Variants in RBPJ observed in about 807,000 individuals in gnomAD.
The protein encoded by RBPJ is recombining binding protein suppressor of hairless.
RBPJ carries 9 observed loss-of-function variants against 67.8 expected under a neutral mutation model. The ratio of observed to expected loss-of-function variants is 0.13; its 90% CI spans 0.08 to 0.23. RBPJ has a LOEUF of 0.23. RBPJ is among the 10% of genes least tolerant of loss of function. The pLI, the probability that RBPJ is intolerant of heterozygous loss-of-function variation, is 1.00. For missense variants in RBPJ, 305 were observed against 595.6 expected (o/e 0.51, Z 5.08); for synonymous variants, 198 against 203.3 (o/e 0.97, Z 0.22).
chr4:26,275,920 C>T (rs1721064154), intron 1 of RBPJ, among the ~76,000 whole-genome samples: 1 of 151,736 alleles, frequency 6.6e-6, no homozygotes, highest in African/African-American at 2.4e-5. Flanking sequence ...GCCACCGCAA[C>T]CGGCCCAAAT....
chr4:26,350,111 T>G (rs1726645629), intron 1 of RBPJ, among the ~76,000 whole-genome samples: 1 of 152,218 alleles, frequency 6.6e-6, no homozygotes, highest in African/African-American at 2.4e-5. Context: ...AAATTTTAAC[T>G]GTGAAATGAA....
chr4:26,431,120 G>C lies in RBPJ; in HGVS notation c.*113G>C. 1 of 743,486 alleles carries C rather than the reference G, an allele frequency of 1.3e-6. No homozygotes were observed. Among genetic ancestry groups the C allele is most frequent in the Non-Finnish European group, 2.0e-6 (1 of 496,034 alleles). The allele number at this position is 743,486 out of a possible 1,614,324, so 46.1% of individuals were successfully genotyped here. ...TTCTTGGGAAAACTTTTCATACCAGGTGATACTATTCAAAAACCCCGTTGT... is the reference window on the plus strand; with the variant it reads ...TTCTTGGGAAAACTTTTCATACCAGCTGATACTATTCAAAAACCCCGTTGT... On this transcript the variant is annotated 3_prime_UTR_variant, in exon 11 of 11. Coordinates refer to ENST00000355476, the MANE Select transcript of RBPJ (RefSeq NM_015874.6).
At position 26,333,014 on chromosome 4, in the gene RBPJ, T is replaced by C. The variant is rs59840347; in HGVS notation, c.20+11966T>C. Among the ~76,000 whole-genome samples the C allele has an allele frequency of 4.9e-3, 742 of 152,328 alleles. 10 individuals are homozygous for C. Among genetic ancestry groups the C allele is most frequent in the African/African-American group, 0.017 (720 of 41,564 alleles). Reference sequence around the variant, plus strand: ...TAGTCTTATACCAGGAAATAATCACTGTTAACAATTGGGAGTACCTTTGAC... The same window carrying C: ...TAGTCTTATACCAGGAAATAATCACCGTTAACAATTGGGAGTACCTTTGAC... On this transcript the variant is annotated intron_variant, in intron 1 of 10. Transcript: ENST00000355476.
chr4:26,404,627 T>C (rs546486479), intron 2 of RBPJ, among the ~76,000 whole-genome samples: 2 of 152,302 alleles, frequency 1.3e-5, no homozygotes, highest in South Asian at 2.1e-4. Flanking sequence ...GCAGTACTTA[T>C]CTTTTTGGAT....
chr4:26,113,248 A>G, the RBPJ span: 1 of 327,760 alleles, frequency 3.1e-6, no homozygotes. Flanking sequence ...CACAATGAAA[A>G]TGGGAATAAT....
In RBPJ at chr4:26,293,820, C is replaced by T. The variant is rs111922359; in HGVS notation, c.-166-68626C>T. Among the ~76,000 whole-genome samples the T allele has an allele frequency of 8.4e-3, 1,274 of 152,232 alleles. 23 individuals carry two copies. Among genetic ancestry groups the T allele is most frequent in the African/African-American group, 0.029 (1,211 of 41,536 alleles). ...TCACCAAGGCTGGAGTGCAGTGGCACGATCTCTGCTCACTGCAACCTCTGC... is the reference window on the plus strand; with the variant it reads ...TCACCAAGGCTGGAGTGCAGTGGCATGATCTCTGCTCACTGCAACCTCTGC... On this transcript the variant is annotated intron_variant, in intron 1 of 4. Transcript: ENST00000512351.
chr4:26,364,630 T>C (rs1311126208), intron 1 of RBPJ, among the ~76,000 whole-genome samples: 3 of 149,990 alleles, frequency 2.0e-5, no homozygotes, highest in Non-Finnish European at 3.0e-5. Flanking sequence ...ATTTTCTTTT[T>C]TTTTTTTTTT....
Position 26,398,070 on chromosome 4 carries a change from T to TTGTGTG in RBPJ, c.60-8086_60-8081dup, listed in dbSNP as rs10535928. On this transcript the variant is annotated intron_variant, in intron 2 of 10. Coordinates refer to ENST00000355476, the MANE Select transcript of RBPJ (RefSeq NM_015874.6). ...TTCTCTAAAATGTTCACGAGTGATATTGTGTGTGTGTGTGTGTGTGTGTGA... is the reference window on the plus strand; with the variant it reads ...TTCTCTAAAATGTTCACGAGTGATATTGTGTGTGTGTGTGTGTGTGTGTGTGTGTGA... Among the ~76,000 whole-genome samples, 25 of 150,860 alleles carry TTGTGTG rather than the reference T, an allele frequency of 1.7e-4. 1 individual carries two copies. Among genetic ancestry groups the TTGTGTG allele is most frequent in the African/African-American group, 2.9e-4 (12 of 41,088 alleles).
rs150000142 is a variant in RBPJ at position 26,399,332 on chromosome 4, T to C, written c.60-6843T>C. On this transcript the variant is annotated intron_variant, in intron 2 of 10. Transcript: ENST00000355476. ...ACTATTCTGTAATATTTAATAACAT[T>C]GATTATGTTCCCTTAACTGAAGTTC... Among the ~76,000 whole-genome samples, 5 of 152,328 alleles carry C rather than the reference T, an allele frequency of 3.3e-5. No individual in the cohort carries two copies. In the East Asian group the frequency reaches 9.6e-4, roughly 29 times the overall value.
At chr4:26,253,369 T>C (rs1168643806) in intron 1 of RBPJ, among the ~76,000 whole-genome samples, 2 of 142,428 alleles carry the variant, frequency 1.4e-5, no homozygotes, top group Admixed American at 1.4e-4. Flanking sequence ...TGGAGTGCAG[T>C]GGCGCAATCT....
intron 1 of RBPJ, among the ~76,000 whole-genome samples, chr4:26,379,717 G>A (rs1010851459): frequency 1.3e-5 from 2 of 152,020 alleles, no homozygotes; most frequent in Non-Finnish European, 2.9e-5. Context: ...GAGCCAAACC[G>A]TATCAACCAC....
At position 26,414,277 on chromosome 4, in the gene RBPJ, C is replaced by T. The variant is rs571127158; in HGVS notation, c.156-1198C>T. On this transcript the variant is annotated intron_variant, in intron 3 of 10. Transcript: ENST00000355476. ...CTTGACCTCCCAGGCTTAGTTGGTC[C>T]TCCCACCTCAGCCACCAGAGTAGCT... 1.7e-3 allele frequency among the ~76,000 whole-genome samples: 263 copies of T among 152,168 alleles called. 1 individual carries two copies. Among genetic ancestry groups the T allele is most frequent in the African/African-American group, 6.1e-3 (254 of 41,482 alleles).
chr4:26,194,056 C>T (rs1717665768), intron 1 of RBPJ, among the ~76,000 whole-genome samples: 1 of 152,202 alleles, frequency 6.6e-6, no homozygotes, highest in South Asian at 2.1e-4. Context: ...TTATTACACC[C>T]AATTATCCCA....
chr4:26,238,733 C>G (rs777800640), intron 1 of RBPJ, among the ~76,000 whole-genome samples: 1 of 151,934 alleles, frequency 6.6e-6, no homozygotes, highest in Non-Finnish European at 1.5e-5. Flanking sequence ...GGTCATAATT[C>G]CGGAGAGCTT....
intron 1 of RBPJ, among the ~76,000 whole-genome samples, chr4:26,174,305 G>A (rs549449207): frequency 4.4e-4 from 67 of 152,228 alleles, no homozygotes; most frequent in Non-Finnish European, 5.9e-4. Context: ...AGAGCTTCGG[G>A]GAGGACTTCC....
chr4:26,165,827 T>G (rs1716264374), intron 1 of RBPJ, among the ~76,000 whole-genome samples: 1 of 151,146 alleles, frequency 6.6e-6, no homozygotes, highest in Admixed American at 6.6e-5. Flanking sequence ...TAACTCATCA[T>G]TTAGCATTAG....
chr4:26,114,456 CAAA>C, the RBPJ span, among the ~76,000 whole-genome samples: 6 of 90,978 alleles, frequency 6.6e-5, no homozygotes, highest in Admixed American at 1.3e-4. Context: ...AGACTCCTCT[CAAA>C]AAAAAAAAAA....
intron 1 of RBPJ, among the ~76,000 whole-genome samples, chr4:26,195,502 T>C (rs79578105): frequency 1.2e-3 from 188 of 152,318 alleles, no homozygotes; most frequent in African/African-American, 4.3e-3. Context: ...TGATCCATGG[T>C]GGTCAGCTGC....
chr4:26,218,760 A>G (rs1287924941), intron 1 of RBPJ, among the ~76,000 whole-genome samples: 1 of 151,968 alleles, frequency 6.6e-6, no homozygotes, highest in East Asian at 1.9e-4. Flanking sequence ...TCATCATGGC[A>G]GGAAAATAAG....
Sources: allele counts gnomAD v4.1 joint callset (sites outside exome capture counted in the v4.1 genomes callset), GRCh38; gene constraint gnomAD v4.1.1; transcripts MANE v1.5; gene names NCBI Gene and HGNC (gene_info 2026-07-23, HGNC 2026-07-21).